Variants in FBXL4 observed in about 807,000 individuals in gnomAD.
The protein encoded by FBXL4 is F-box and leucine rich repeat protein 4.
FBXL4 carries 40 observed loss-of-function variants against 58.9 expected under a neutral mutation model. The observed-to-expected ratio is 0.68, with a 90% CI of 0.53 to 0.88. FBXL4 has a LOEUF of 0.88. Among genes scored for constraint, FBXL4 ranks in the 40% least tolerant of loss-of-function variants. The pLI is 0.00. For missense variants in FBXL4, 676 were observed against 734.4 expected (o/e 0.92, Z 0.92); for synonymous variants, 263 against 265.5 (o/e 0.99, Z 0.09).
At chr6:98,944,789 A>G (rs1042636614) in intron 1 of FBXL4, among the ~76,000 whole-genome samples, 5 of 152,148 alleles carry the variant, frequency 3.3e-5, no homozygotes, top group African/African-American at 1.2e-4. Context: ...CAGGTTCCCT[A>G]AACTAAGGAC....
At chr6:98,887,627 C>T (rs1268867586) in intron 7 of FBXL4, among the ~76,000 whole-genome samples, 3 of 152,008 alleles carry the variant, frequency 2.0e-5, no homozygotes, top group African/African-American at 7.2e-5. Flanking sequence ...TTTTAAAATC[C>T]TCAGCTTGAA....
intron 7 of FBXL4, among the ~76,000 whole-genome samples, chr6:98,886,752 C>T (rs1771052917): frequency 6.6e-6 from 1 of 152,174 alleles, no homozygotes; most frequent in East Asian, 1.9e-4. Flanking sequence ...GACCAGGAGG[C>T]ATGGCCAATA....
chr6:98,894,787 T>G (rs1269648189), intron 7 of FBXL4, among the ~76,000 whole-genome samples: 1 of 152,234 alleles, frequency 6.6e-6, no homozygotes, highest in African/African-American at 2.4e-5. Context: ...TTATAAGACA[T>G]TTGTTATTTC....
intron 4 of FBXL4, 54 bp from the exon 5 acceptor site, chr6:98,917,773 C>T (rs530909841): frequency 1.1e-5 from 15 of 1,365,726 alleles, no homozygotes; most frequent in African/African-American, 1.5e-5. Flanking sequence ...ATCTACTGGT[C>T]CCTTAAGGTT....
At chr6:98,902,484 A>G (rs2128391240) in intron 6 of FBXL4, among the ~76,000 whole-genome samples, 1 of 152,272 alleles carries the variant, frequency 6.6e-6, no homozygotes, top group East Asian at 1.9e-4. Flanking sequence ...CTGAATAAAT[A>G]TATTAGTGGG....
chr6:98,892,410 A>G (rs1771262419), intron 7 of FBXL4, among the ~76,000 whole-genome samples: 1 of 152,174 alleles, frequency 6.6e-6, no homozygotes, highest in African/African-American at 2.4e-5. Context: ...TTTGCCAATC[A>G]GTTTGGTCTT....
chr6:98,905,399 A>C, intron 6 of FBXL4, 27 bp downstream of exon 6: 1 of 1,605,352 alleles, frequency 6.2e-7, no homozygotes, highest in South Asian at 1.1e-5. Context: ...GGGGGGGAAA[A>C]AAACTTCATC....
chr6:98,875,748 A>G (rs554360999), intron 8 of FBXL4, 21 bp from the exon 9 acceptor site: 8 of 1,607,486 alleles, frequency 5.0e-6, no homozygotes, highest in African/African-American at 2.7e-5. Flanking sequence ...AATAATTCCA[A>G]TCTTTTACAT....
intron 1 of FBXL4, among the ~76,000 whole-genome samples, chr6:98,936,911 TGTTAAGAGTA>T (rs1217559702): frequency 6.6e-6 from 1 of 152,224 alleles, no homozygotes; most frequent in Non-Finnish European, 1.5e-5. Flanking sequence ...TGATGCTATG[TGTTAAGAGTA>T]GTTCAGTTCC....
In FBXL4 at chr6:98,902,143, A is replaced by C. The variant is rs565784688; in HGVS notation, c.1104-2662T>G. 1.2e-3 allele frequency among the ~76,000 whole-genome samples: 183 copies of C among 152,306 alleles called. 3 individuals are homozygous for C. The South Asian group carries it at 0.02, about 17-fold the overall frequency. Reference sequence around the variant, plus strand: ...GTTTACTTATCACAAAATAAAAGGTAATAGTCCTCAGAAATTGCCTGAAGT... The same window carrying C: ...GTTTACTTATCACAAAATAAAAGGTCATAGTCCTCAGAAATTGCCTGAAGT... On this transcript the variant is annotated intron_variant, in intron 6 of 9. Coordinates refer to ENST00000369244, the MANE Select transcript of FBXL4 (RefSeq NM_001278716.2).
chr6:98,915,179 C>A (rs1459077172), intron 5 of FBXL4, among the ~76,000 whole-genome samples: 1 of 151,758 alleles, frequency 6.6e-6, no homozygotes, highest in Non-Finnish European at 1.5e-5. Flanking sequence ...AGGATACAAA[C>A]AAATGGAAGA....
chr6:98,910,347 A>G (rs1049304773), intron 5 of FBXL4, among the ~76,000 whole-genome samples: 2 of 152,200 alleles, frequency 1.3e-5, no homozygotes, highest in Non-Finnish European at 2.9e-5. Flanking sequence ...CAGACTAGAC[A>G]AACAAAAAAG....
At chr6:98,891,008 C>T (rs1285423923) in intron 7 of FBXL4, among the ~76,000 whole-genome samples, 3 of 152,028 alleles carry the variant, frequency 2.0e-5, no homozygotes, top group African/African-American at 7.2e-5. Flanking sequence ...AAATAATCAC[C>T]ATTTTAGAAT....
intron 5 of FBXL4, among the ~76,000 whole-genome samples, chr6:98,916,254 T>G (rs2128400203): frequency 6.6e-6 from 1 of 152,216 alleles, no homozygotes; most frequent in South Asian, 2.1e-4. Flanking sequence ...TGGAAGTCAG[T>G]GTGGCGATTC....
chr6:98,890,824 CAGG>C (rs1353942775), intron 7 of FBXL4, among the ~76,000 whole-genome samples: 1 of 152,018 alleles, frequency 6.6e-6, no homozygotes, highest in Non-Finnish European at 1.5e-5. Flanking sequence ...GAGGCTGCAG[CAGG>C]AGAATTGCTT....
rs1770512992 is a variant in FBXL4 at position 98,872,337 on chromosome 6, C to G, written c.*1941G>C. 6.6e-6 allele frequency: 1 copy of G among 152,104 alleles called. No individual in the cohort carries two copies. The highest frequency in any genetic ancestry group is 2.1e-4 in the South Asian group (1 of 4,824). The allele number at this position is 152,104 out of a possible 1,614,324, so 9.4% of individuals were successfully genotyped here. A position where few individuals can be genotyped will look rare whatever the true frequency, so the allele number is the denominator to read the frequency against. ...TAACCTTTCAAGTGATGAATATGCT[C>G]AACAAAAATCATATTCTCATGGATT... On this transcript the variant is annotated 3_prime_UTR_variant, in exon 10 of 10. Transcript: ENST00000369244.
At chr6:98,932,630 G>GAA (rs1014830651) in intron 2 of FBXL4, among the ~76,000 whole-genome samples, 3 of 152,010 alleles carry the variant, frequency 2.0e-5, no homozygotes, top group African/African-American at 4.8e-5. Context: ...ACTTCGAAGG[G>GAA]AAAAAGAGGA....
intron 7 of FBXL4, among the ~76,000 whole-genome samples, chr6:98,885,909 T>C (rs1771021842): frequency 6.6e-6 from 1 of 152,188 alleles, no homozygotes; most frequent in African/African-American, 2.4e-5. Context: ...GGAAGCCAGC[T>C]GCCATGTCAT....
chr6:98,914,880 T>A (rs576231636), intron 5 of FBXL4, among the ~76,000 whole-genome samples: 1 of 152,302 alleles, frequency 6.6e-6, no homozygotes, highest in Non-Finnish European at 1.5e-5. Context: ...AGTCAAATTG[T>A]CCCTGTTTGC....
Sources: allele counts gnomAD v4.1 joint callset (sites outside exome capture counted in the v4.1 genomes callset), GRCh38; gene constraint gnomAD v4.1.1; transcripts MANE v1.5; gene names NCBI Gene and HGNC (gene_info 2026-07-23, HGNC 2026-07-21).